Variants in AHI1 observed in about 807,000 individuals in gnomAD.
The protein encoded by AHI1 is jouberin.
AHI1 carries 123 observed loss-of-function variants against 149.3 expected under a neutral mutation model. That is an observed-to-expected ratio of 0.82 (90% CI 0.71 to 0.96). The LOEUF is 0.96. AHI1 is among the 40% of genes least tolerant of loss of function. AHI1 has a pLI of 0.00. For synonymous variants in AHI1, 475 were observed against 459.8 expected (o/e 1.03, Z -0.42); for missense variants, 1,439 against 1,422.7 (o/e 1.01, Z -0.18).
At chr6:135,489,159 T>A (rs562517324) in intron 5 of AHI1, among the ~76,000 whole-genome samples, 1 of 152,316 alleles carries the variant, frequency 6.6e-6, no homozygotes, top group South Asian at 2.1e-4. Context: ...CCTGTTCTTT[T>A]GAGCTGCGAA....
intron 23 of AHI1, among the ~76,000 whole-genome samples, chr6:135,358,845 A>G (rs1244180264): frequency 6.6e-6 from 1 of 152,198 alleles, no homozygotes; most frequent in Non-Finnish European, 1.5e-5. Flanking sequence ...GACACAGGGG[A>G]TCTCATCTGT....
chr6:135,287,147 GAGA>G (rs1029237586), intron 28 of AHI1, among the ~76,000 whole-genome samples: 3 of 152,124 alleles, frequency 2.0e-5, no homozygotes, highest in Non-Finnish European at 4.4e-5. Context: ...GGGAGAAGGG[GAGA>G]AGAACAGCTG....
intron 9 of AHI1, 103 bp from the exon 10 acceptor site, chr6:135,456,029 CATAATAATACAAAAGGAAAA>C: frequency 1.4e-6 from 1 of 708,472 alleles, no homozygotes; most frequent in Non-Finnish European, 2.0e-6. Flanking sequence ...AATGAATAGT[CATAATAATACAAAAGGAAAA>C]ATTATTCTGA....
Position 135,285,522 on chromosome 6 carries a change from G to T in AHI1, c.*123C>A. ...TTTCTAGAGTCATTCATAAGAACAA[G>T]AAGTAGTGGATCCTTTCTTCCTCCT... On this transcript the variant is annotated 3_prime_UTR_variant, in exon 29 of 29. Transcript: ENST00000265602. 9.9e-7 allele frequency: 1 copy of T among 1,012,590 alleles called. No homozygotes were observed. The highest frequency in any genetic ancestry group is 1.5e-6 in the Non-Finnish European group (1 of 664,554). 62.7% of individuals were successfully genotyped at this position (1,012,590 alleles called of 1,614,324 possible). A position where few individuals can be genotyped will look rare whatever the true frequency, so the allele number is the denominator to read the frequency against.
At position 135,300,727 on chromosome 6, in the gene AHI1, A is replaced by G. The variant is rs529040094; in HGVS notation, c.3427-169T>C. The G allele has an allele frequency of 4.0e-6, 5 of 1,241,010 alleles. No homozygotes were observed. The South Asian group carries it at 1.5e-4, about 37-fold the overall frequency. 76.9% of individuals were successfully genotyped at this position (1,241,010 alleles called of 1,614,324 possible). A position where few individuals can be genotyped will look rare whatever the true frequency, so the allele number is the denominator to read the frequency against. ...AACATATATTGTCTATCAGGACAATATATTTGCTCCCATGAAAAACCAAGG... is the reference window on the plus strand; with the variant it reads ...AACATATATTGTCTATCAGGACAATGTATTTGCTCCCATGAAAAACCAAGG... On this transcript the variant is annotated intron_variant, in intron 26 of 28. Transcript: ENST00000265602.
intron 24 of AHI1, among the ~76,000 whole-genome samples, chr6:135,348,304 G>C (rs1791563471): frequency 6.6e-6 from 1 of 152,240 alleles, no homozygotes; most frequent in South Asian, 2.1e-4. Flanking sequence ...CCATAATAAT[G>C]TGTGTTAAAT....
chr6:135,424,452 C>A (rs779490330), intron 20 of AHI1, among the ~76,000 whole-genome samples: 1 of 151,868 alleles, frequency 6.6e-6, no homozygotes, highest in East Asian at 1.9e-4. Flanking sequence ...CAGTAGAAGC[C>A]GTTTCTCTGA....
At chr6:135,289,493 AAAC>A (rs970097738) in intron 28 of AHI1, among the ~76,000 whole-genome samples, 14 of 151,946 alleles carry the variant, frequency 9.2e-5, no homozygotes, top group Middle Eastern at 3.2e-3. Flanking sequence ...AGACGTCTCA[AAAC>A]AACAACAACA....
intron 24 of AHI1, among the ~76,000 whole-genome samples, chr6:135,330,056 C>T (rs1788310547): frequency 6.6e-6 from 1 of 152,166 alleles, no homozygotes; most frequent in African/African-American, 2.4e-5. Context: ...GTGGTTTCTT[C>T]AGATGGAATC....
At chr6:135,485,856 C>T (rs529459380) in intron 5 of AHI1, among the ~76,000 whole-genome samples, 2 of 152,264 alleles carry the variant, frequency 1.3e-5, no homozygotes, top group South Asian at 4.1e-4. Context: ...TAACAGGGAG[C>T]CTGTTATGGC....
chr6:135,483,981 C>A (rs1794101758), intron 5 of AHI1, among the ~76,000 whole-genome samples: 2 of 152,174 alleles, frequency 1.3e-5, no homozygotes, highest in Admixed American at 6.5e-5. Flanking sequence ...TGAGACTGGG[C>A]AATTTACAAA....
Position 135,494,526 on chromosome 6 carries a change from C to T in AHI1, c.-55+1288G>A, listed in dbSNP as rs566615961. ...CTTTCACAATAATAAGAGTAAATCA[C>T]TCACAGTGTTTTTATAAAGATTAAA... On this transcript the variant is annotated intron_variant, in intron 3 of 28. Coordinates refer to ENST00000265602, the MANE Select transcript of AHI1 (RefSeq NM_001134831.2). Among the ~76,000 whole-genome samples, 330 of 152,314 alleles carry T rather than the reference C, an allele frequency of 2.2e-3. 1 individual carries two copies. The highest frequency in any genetic ancestry group is 7.4e-3 in the African/African-American group (306 of 41,558).
At chr6:135,460,199 A>G (rs1236141471) in intron 8 of AHI1, among the ~76,000 whole-genome samples, 3 of 152,200 alleles carry the variant, frequency 2.0e-5, no homozygotes, top group Non-Finnish European at 4.4e-5. Flanking sequence ...AAATAAATAA[A>G]TAAACTCTTG....
intron 21 of AHI1, among the ~76,000 whole-genome samples, chr6:135,407,895 C>A (rs542140130): frequency 6.6e-6 from 1 of 151,874 alleles, no homozygotes; most frequent in Admixed American, 6.6e-5. Context: ...ATTAATCGGG[C>A]GTGGTGGCGG....
At chr6:135,451,556 G>A (rs776987662) in intron 11 of AHI1, among the ~76,000 whole-genome samples, 1 of 152,166 alleles carries the variant, frequency 6.6e-6, no homozygotes, top group Non-Finnish European at 1.5e-5. Flanking sequence ...GAAGAAGACA[G>A]GTAAGTGTTA....
intron 21 of AHI1, among the ~76,000 whole-genome samples, chr6:135,410,317 C>T (rs1172929219): frequency 6.6e-6 from 1 of 152,196 alleles, no homozygotes; most frequent in African/African-American, 2.4e-5. Flanking sequence ...CTGCAGTGAG[C>T]AATGATCACA....
Position 135,490,639 on chromosome 6 carries a change from G to T in AHI1, c.119C>A (p.Ser40Tyr). Residue 40 changes from serine (S) to tyrosine (Y), a missense_variant, in exon 5 of 29, where the codon TCT becomes TAT. Transcript: ENST00000265602. ...TTTACTTACTGAGATGTTTTCTTCA[G>T]ACCTGACAAGTTTTTTCTTCAGTTT... Reference protein sequence around the residue: ...KKKLKKKLVRSEENISPDTIR... With the variant: ...KKKLKKKLVRYEENISPDTIR... The T allele has an allele frequency of 6.2e-7, 1 of 1,613,540 alleles. No homozygotes were observed. The highest frequency in any genetic ancestry group is 1.1e-5 in the South Asian group (1 of 91,022).
intron 21 of AHI1, among the ~76,000 whole-genome samples, chr6:135,405,475 C>A (rs2757649): frequency 0.67 from 101,916 of 152,026 alleles, 35,607 homozygotes; most frequent in African/African-American, 0.88. Flanking sequence ...TCATGGTACA[C>A]GGCCAAGAAA....
intron 7 of AHI1, among the ~76,000 whole-genome samples, chr6:135,463,940 T>C (rs1200878508): frequency 1.3e-5 from 2 of 152,150 alleles, no homozygotes; most frequent in African/African-American, 4.8e-5. Flanking sequence ...AGATGGACTT[T>C]CACTATGTTG....
Sources: allele counts gnomAD v4.1 joint callset (sites outside exome capture counted in the v4.1 genomes callset), GRCh38; gene constraint gnomAD v4.1.1; transcripts MANE v1.5; gene names NCBI Gene and HGNC (gene_info 2026-07-23, HGNC 2026-07-21).